The following CEP85L variants were observed in gnomAD, a reference collection of about 807,000 sequenced individuals.
The protein encoded by CEP85L is centrosomal protein 85L.
Under a neutral mutation model 100.3 loss-of-function variants are expected in CEP85L, and 60 were observed. The observed-to-expected ratio is 0.60, with a 90% CI of 0.49 to 0.74. The LOEUF is 0.74. Among genes scored for constraint, CEP85L ranks in the 30% least tolerant of loss-of-function variants. The pLI is 0.00. For synonymous variants in CEP85L, 319 were observed against 322.7 expected (o/e 0.99, Z 0.12); for missense variants, 973 against 936.2 (o/e 1.04, Z -0.51).
At chr6:118,491,614 T>C (rs1039043557) in intron 6 of CEP85L, 72 bp downstream of exon 6, 15 of 1,546,626 alleles carry the variant, frequency 9.7e-6, no homozygotes, top group Non-Finnish European at 6.1e-6. Context: ...CCTGACAGGG[T>C]AAATGACAGA....
chr6:118,461,654 T>A lies in CEP85L; in HGVS notation c.*3751A>T, dbSNP rs978165855. On this transcript the variant is annotated 3_prime_UTR_variant, in exon 13 of 13. Coordinates refer to ENST00000368491, the MANE Select transcript of CEP85L (RefSeq NM_001042475.3). ...AATCTTTCCCATACATGATTAAATATATGATATAATCATATGGCAATATGC... is the reference window on the plus strand; with the variant it reads ...AATCTTTCCCATACATGATTAAATAAATGATATAATCATATGGCAATATGC... The A allele has an allele frequency of 6.6e-6, 1 of 152,082 alleles. No homozygotes were observed. Among genetic ancestry groups the A allele is most frequent in the Non-Finnish European group, 1.5e-5 (1 of 67,942 alleles). The allele number at this position is 152,082 out of a possible 1,614,324, so 9.4% of individuals were successfully genotyped here.
intron 3 of CEP85L, among the ~76,000 whole-genome samples, chr6:118,555,817 G>A (rs1489159814): frequency 6.7e-6 from 1 of 149,814 alleles, no homozygotes; most frequent in Non-Finnish European, 1.5e-5. Flanking sequence ...CCCCGCTCAA[G>A]TAGACCCCAG....
intron 2 of CEP85L, among the ~76,000 whole-genome samples, chr6:118,578,828 T>C (rs1417429263): frequency 2.0e-5 from 3 of 152,232 alleles, no homozygotes; most frequent in Admixed American, 1.3e-4. Context: ...ATTGCCTTGC[T>C]GAGAAAACTT....
intron 4 of CEP85L, among the ~76,000 whole-genome samples, chr6:118,514,539 A>AAAAG (rs1554210591): frequency 9.5e-5 from 10 of 105,284 alleles, no homozygotes; most frequent in African/African-American, 2.9e-4. Context: ...AAAAAAAAAA[A>AAAAG]AAAAGAAAAC....
intron 5 of CEP85L, among the ~76,000 whole-genome samples, chr6:118,507,011 G>A (rs1775698168): frequency 2.6e-5 from 4 of 151,652 alleles, no homozygotes. Context: ...TCCTCCCTTG[G>A]AATACCTGAT....
intron 5 of CEP85L, among the ~76,000 whole-genome samples, chr6:118,504,495 G>A (rs1449304416): frequency 1.3e-5 from 2 of 152,122 alleles, no homozygotes; most frequent in Non-Finnish European, 2.9e-5. Context: ...CCTGAAGGGT[G>A]GCACCCCTGG....
intron 2 of CEP85L, among the ~76,000 whole-genome samples, chr6:118,583,895 T>C (rs151031997): frequency 6.6e-6 from 1 of 152,196 alleles, no homozygotes; most frequent in Non-Finnish European, 1.5e-5. Context: ...CCCTGTTAAC[T>C]CAAATACCTG....
chr6:118,491,422 G>T, intron 6 of CEP85L: 2 of 1,110,710 alleles, frequency 1.8e-6, no homozygotes, highest in Non-Finnish European at 2.3e-6. Flanking sequence ...AGGAAAAGGA[G>T]AACAGTTATT....
intron 2 of CEP85L, among the ~76,000 whole-genome samples, chr6:118,590,970 C>T (rs1233897778): frequency 6.6e-6 from 1 of 152,146 alleles, no homozygotes; most frequent in Non-Finnish European, 1.5e-5. Flanking sequence ...GATTGTGTGA[C>T]AAGAGCCCTT....
chr6:118,637,880 G>A (rs1356238275), intron 1 of CEP85L, among the ~76,000 whole-genome samples: 3 of 151,906 alleles, frequency 2.0e-5, no homozygotes, highest in Non-Finnish European at 4.4e-5. Flanking sequence ...AAACCCCAAA[G>A]GGAAAAACAC....
At chr6:118,591,696 T>G (rs1330187964) in intron 2 of CEP85L, among the ~76,000 whole-genome samples, 1 of 151,804 alleles carries the variant, frequency 6.6e-6, no homozygotes, top group Non-Finnish European at 1.5e-5. Context: ...GCTGCTTGCT[T>G]GAGCCCACTC....
At chr6:118,600,308 T>G (rs1191839828) in intron 2 of CEP85L, among the ~76,000 whole-genome samples, 581 of 54,288 alleles carry the variant, frequency 0.011, 64 homozygotes, top group Middle Eastern at 0.02. Context: ...GGGGTGTGTG[T>G]GTGTGTGTGT....
chr6:118,525,546 G>A (rs538664665), intron 3 of CEP85L, among the ~76,000 whole-genome samples: 1 of 152,196 alleles, frequency 6.6e-6, no homozygotes, highest in Non-Finnish European at 1.5e-5. Flanking sequence ...AAGAGACACA[G>A]AGACAATGCC....
chr6:118,502,811 T>G, intron 5 of CEP85L: 1 of 632,700 alleles, frequency 1.6e-6, no homozygotes, highest in Non-Finnish European at 3.0e-6. Flanking sequence ...CGTAAGCATG[T>G]ATGGAGTTCA....
rs561924604 is a variant in CEP85L, at chr6:118,687,211, A to C, written c.-28+22825T>G. 1.1e-4 allele frequency among the ~76,000 whole-genome samples: 17 copies of C among 152,350 alleles called. No individual in the cohort carries two copies. The South Asian group carries it at 3.3e-3, about 30-fold the overall frequency. Reference sequence around the variant, plus strand: ...GGCTGCCCTATCTAAAACAGCAGCCATATCTCTCACAATACTACCTTTGTT... The same window carrying C: ...GGCTGCCCTATCTAAAACAGCAGCCCTATCTCTCACAATACTACCTTTGTT... On this transcript the variant is annotated intron_variant, in intron 1 of 13. Transcript: ENST00000368488.
At chr6:118,600,001 T>C (rs564375091) in intron 2 of CEP85L, among the ~76,000 whole-genome samples, 41 of 152,222 alleles carry the variant, frequency 2.7e-4, no homozygotes, top group African/African-American at 9.1e-4. Context: ...AGGACATTCA[T>C]AGAAAAACTG....
rs555175842 is a variant in CEP85L, at chr6:118,555,151, G to A, written c.1020+10378C>T. Reference sequence around the variant, plus strand: ...CATCTTCATAAAAGGTGACTACTCGGCCAGGTGCAGTGGCTCACGCCTGCA... The same window carrying A: ...CATCTTCATAAAAGGTGACTACTCGACCAGGTGCAGTGGCTCACGCCTGCA... On this transcript the variant is annotated intron_variant, in intron 3 of 12. Transcript: ENST00000368491. Among the ~76,000 whole-genome samples, 26 of 152,200 alleles carry A rather than the reference G, an allele frequency of 1.7e-4. 1 individual carries two copies. The South Asian group carries it at 5.2e-3, about 30-fold the overall frequency.
At chr6:118,604,005 T>C (rs541654782) in intron 2 of CEP85L, among the ~76,000 whole-genome samples, 3 of 152,346 alleles carry the variant, frequency 2.0e-5, no homozygotes, top group South Asian at 2.1e-4. Flanking sequence ...ATTAGAATTA[T>C]AGGAGTTTCC....
chr6:118,653,751 G>A (rs1583230807), upstream of CEP85L, among the ~76,000 whole-genome samples: 2 of 127,646 alleles, frequency 1.6e-5, no homozygotes, highest in East Asian at 4.0e-4. Context: ...CTCTGTGTAT[G>A]TGTGTGTGTG....
Sources: allele counts gnomAD v4.1 joint callset (sites outside exome capture counted in the v4.1 genomes callset), GRCh38; gene constraint gnomAD v4.1.1; transcripts MANE v1.5; gene names NCBI Gene and HGNC (gene_info 2026-07-23, HGNC 2026-07-21).